CACNA1C: variants seen among roughly 807,000 people sequenced by gnomAD.
CACNA1C encodes the protein voltage-dependent L-type calcium channel subunit alpha-1C.
CACNA1C carries 30 observed loss-of-function variants against 229.0 expected under a neutral mutation model. The observed-to-expected ratio is 0.13, with a 90% CI of 0.10 to 0.18. CACNA1C has a LOEUF of 0.18. Among genes scored for constraint, CACNA1C ranks in the 10% least tolerant of loss-of-function variants. The pLI is 1.00. For synonymous variants in CACNA1C, 1,114 were observed against 1,132.5 expected, an observed-to-expected ratio of 0.98 and a Z score of 0.33; for missense variants, 1,658 against 2,845.0, an observed-to-expected ratio of 0.58 and a Z score of 9.49.
intron 3 of CACNA1C, among the ~76,000 whole-genome samples, chr12:2,209,350 T>TG (rs1483018870): frequency 1.1e-4 from 16 of 152,170 alleles, no homozygotes. Context: ...GGAAGGGGTA[T>TG]GTTCGACGGT....
chr12:2,302,036 T>G lies in CACNA1C; in HGVS notation c.478-146940T>G, dbSNP rs187855700. Among the ~76,000 whole-genome samples, 126 of 152,334 alleles carry G rather than the reference T, an allele frequency of 8.3e-4. 1 individual carries two copies. Among genetic ancestry groups the G allele is most frequent in the African/African-American group, 3.0e-3 (125 of 41,572 alleles). ...TCCAACTGATTTATTAGGAAACAAT[T>G]TGTAAACTTTGGTTCACTTACAAGA... is the stretch of plus-strand genomic sequence containing the variant. On this transcript the variant is annotated intron_variant, in intron 3 of 46. Coordinates refer to ENST00000399655, the MANE Select transcript of CACNA1C (RefSeq NM_000719.7).
At chr12:2,290,458 A>G (rs928848721) in intron 3 of CACNA1C, among the ~76,000 whole-genome samples, 2 of 152,202 alleles carry the variant, frequency 1.3e-5, no homozygotes, top group Non-Finnish European at 2.9e-5. Flanking sequence ...GAGGATATGT[A>G]TAAGAATGAG....
intron 1 of CACNA1C, among the ~76,000 whole-genome samples, chr12:2,082,284 C>G (rs929506654): frequency 6.6e-6 from 1 of 152,180 alleles, no homozygotes; most frequent in Non-Finnish European, 1.5e-5. Flanking sequence ...ACGAGTCAGA[C>G]GCTGGCCCTG....
At chr12:2,316,585 C>T (rs2095702051) in intron 3 of CACNA1C, among the ~76,000 whole-genome samples, 1 of 152,184 alleles carries the variant, frequency 6.6e-6, no homozygotes, top group African/African-American at 2.4e-5. Flanking sequence ...TATACCGTGC[C>T]AGGCTTGGTC....
intron 3 of CACNA1C, among the ~76,000 whole-genome samples, chr12:2,441,311 T>C (rs1165972677): frequency 6.6e-6 from 1 of 152,204 alleles, no homozygotes; most frequent in East Asian, 1.9e-4. Flanking sequence ...CCAGCTCTAC[T>C]GTGCACATGG....
At position 2,335,808 on chromosome 12, in the gene CACNA1C, C is replaced by T. The variant is rs549820916; in HGVS notation, c.478-113168C>T. On this transcript the variant is annotated intron_variant, in intron 3 of 46. Transcript: ENST00000399655. The stretch of plus-strand genomic sequence containing the variant: ...GCCATGGTAACTTCTATAGGAGAGA[C>T]GCAGGATGAAGAAAGTTGTTGTGAC... 7.2e-5 allele frequency among the ~76,000 whole-genome samples: 11 copies of T among 152,154 alleles called. No homozygotes were observed. In the South Asian group the frequency reaches 1.7e-3, roughly 23 times the overall value.
At chr12:1,984,778 TAAAAAAA>T (rs764705302) in intron 1 of CACNA1C, among the ~76,000 whole-genome samples, 2 of 81,346 alleles carry the variant, frequency 2.5e-5, no homozygotes, top group Non-Finnish European at 4.7e-5. Context: ...GGTCTTCTGG[TAAAAAAA>T]AAAAAAAAAA....
At chr12:2,573,710 T>C (rs534242660) in intron 13 of CACNA1C, among the ~76,000 whole-genome samples, 4 of 152,254 alleles carry the variant, frequency 2.6e-5, no homozygotes, top group Admixed American at 6.5e-5. Context: ...TGGATAGTGA[T>C]AGCAAATAAT....
At chr12:2,074,153 GGATAATGTA>G (rs56362949) in intron 1 of CACNA1C, among the ~76,000 whole-genome samples, 120,722 of 151,488 alleles carry the variant, frequency 0.8, 48,709 homozygotes, top group African/African-American at 0.9. Context: ...GTATGTGTTA[GGATAATGTA>G]GATAATGTAG....
At chr12:2,656,050 A>G (rs1222643525) in intron 34 of CACNA1C, among the ~76,000 whole-genome samples, 1 of 152,120 alleles carries the variant, frequency 6.6e-6, no homozygotes, top group Non-Finnish European at 1.5e-5. Flanking sequence ...AAAGATGCCC[A>G]CTCTCACCAC....
chr12:2,233,955 G>T (rs114074734), intron 3 of CACNA1C, among the ~76,000 whole-genome samples: 8 of 152,302 alleles, frequency 5.3e-5, no homozygotes, highest in Admixed American at 4.6e-4. Context: ...TCATTTGGAT[G>T]GGCATGATCC....
At chr12:2,522,375 G>A (rs991193348) in intron 9 of CACNA1C, among the ~76,000 whole-genome samples, 4 of 152,258 alleles carry the variant, frequency 2.6e-5, no homozygotes, top group East Asian at 1.9e-4. Flanking sequence ...AATTCTCTTC[G>A]GATCAGAGAA....
chr12:2,559,556 C>T (rs964485642), intron 11 of CACNA1C, among the ~76,000 whole-genome samples: 2 of 152,252 alleles, frequency 1.3e-5, no homozygotes, highest in African/African-American at 2.4e-5. Flanking sequence ...CTCAATACAC[C>T]GCAGTAATGC....
intron 2 of CACNA1C, among the ~76,000 whole-genome samples, chr12:2,117,793 C>T (rs1031276739): frequency 6.6e-6 from 1 of 152,210 alleles, no homozygotes; most frequent in Admixed American, 6.5e-5. Context: ...TGTGGCCACC[C>T]CTCCGGGGGA....
In CACNA1C at chr12:2,287,649, A is replaced by G. The variant is rs1191051733; in HGVS notation, c.478-161327A>G. On this transcript the variant is annotated intron_variant, in intron 3 of 46. Transcript: ENST00000399655. This position sits in a 1 kb window ranked among gnomAD's most constrained non-coding sequence, Gnocchi z 4.6. ...ATCATCTGGGATCATTTAACAAAAAACAATGCCAGGATCCTACAGTCTACT... is the reference window on the plus strand; with the variant it reads ...ATCATCTGGGATCATTTAACAAAAAGCAATGCCAGGATCCTACAGTCTACT... Among the ~76,000 whole-genome samples the G allele has an allele frequency of 1.3e-5, 2 of 152,172 alleles. No homozygotes were observed. The highest frequency in any genetic ancestry group is 2.9e-5 in the Non-Finnish European group (2 of 68,034).
At chr12:2,102,408 T>C (rs1236753131) in intron 1 of CACNA1C, among the ~76,000 whole-genome samples, 2 of 152,086 alleles carry the variant, frequency 1.3e-5, no homozygotes, top group African/African-American at 4.8e-5. Context: ...TCTCAGGCGT[T>C]CAGCAGCTGA....
At chr12:2,388,057 A>G (rs948151199) in intron 3 of CACNA1C, among the ~76,000 whole-genome samples, 2 of 152,212 alleles carry the variant, frequency 1.3e-5, no homozygotes, top group Admixed American at 1.3e-4. Flanking sequence ...AAGCAGAATC[A>G]TGTCTCACTT....
At chr12:2,412,961 T>A in intron 3 of CACNA1C, among the ~76,000 whole-genome samples, 1 of 152,216 alleles carries the variant, frequency 6.6e-6, no homozygotes, top group East Asian at 1.9e-4. Flanking sequence ...ATGATATAAG[T>A]GAATTGGCTG....
At chr12:2,289,710 C>G (rs2093242774) in intron 3 of CACNA1C, among the ~76,000 whole-genome samples, 1 of 151,788 alleles carries the variant, frequency 6.6e-6, no homozygotes, top group South Asian at 2.1e-4. Flanking sequence ...TGTATCAGTG[C>G]CATATGGGCA....
Sources: allele counts gnomAD v4.1 joint callset (sites outside exome capture counted in the v4.1 genomes callset), GRCh38; gene constraint gnomAD v4.1.1; non-coding constraint Gnocchi (gnomAD v3.1); transcripts MANE v1.5; gene names NCBI Gene and HGNC (gene_info 2026-07-23, HGNC 2026-07-21).